The following USP13 variants were observed in gnomAD, a reference collection of about 807,000 sequenced individuals.
USP13 encodes the protein ubiquitin carboxyl-terminal hydrolase 13.
A neutral mutation model predicts 107.8 loss-of-function variants in USP13; 68 were observed. The ratio of observed to expected loss-of-function variants is 0.63; its 90% CI spans 0.52 to 0.77. USP13 has a LOEUF of 0.77. Ranked by LOEUF, USP13 falls within the 30% of genes least tolerant of loss-of-function variation. The pLI, the probability that USP13 is intolerant of heterozygous loss-of-function variation, is 0.00. For missense variants in USP13, 945 were observed against 1,093.3 expected, an observed-to-expected ratio of 0.86 and a Z score of 1.91; for synonymous variants, 377 against 389.5, an observed-to-expected ratio of 0.97 and a Z score of 0.38.
At chr3:179,760,832 A>G (rs983824196) in intron 16 of USP13, among the ~76,000 whole-genome samples, 1 of 152,202 alleles carries the variant, frequency 6.6e-6, no homozygotes, top group Non-Finnish European at 1.5e-5. Context: ...TTCTGGGAAT[A>G]CACTAAATCT....
At chr3:179,654,845 G>C (rs9881760) in intron 1 of USP13, among the ~76,000 whole-genome samples, 1,567 of 152,278 alleles carry the variant, frequency 0.01, 29 homozygotes, top group African/African-American at 0.036. Context: ...ATCAGAGTTA[G>C]TATCCTCTCT....
At chr3:179,670,535 G>T (rs1348349112) in intron 1 of USP13, among the ~76,000 whole-genome samples, 1 of 151,978 alleles carries the variant, frequency 6.6e-6, no homozygotes, top group Non-Finnish European at 1.5e-5. Flanking sequence ...ATTTTTCCCA[G>T]TTGTAATCAC....
chr3:179,735,341 T>C (rs1395722070), intron 10 of USP13, among the ~76,000 whole-genome samples: 2 of 152,160 alleles, frequency 1.3e-5, no homozygotes, highest in African/African-American at 4.8e-5. Context: ...AAACATGCTT[T>C]CTGTAATCTA....
Position 179,653,477 on chromosome 3 carries a change from C to T in USP13, c.168+84C>T, listed in dbSNP as rs1720150386. The T allele has an allele frequency of 1.3e-6, 2 of 1,490,108 alleles. No homozygotes were observed. Among genetic ancestry groups the T allele is most frequent in the Non-Finnish European group, 1.8e-6 (2 of 1,111,746 alleles). 92.3% of individuals were successfully genotyped at this position (1,490,108 alleles called of 1,614,324 possible). A position where few individuals can be genotyped will look rare whatever the true frequency, so the allele number is the denominator to read the frequency against. ...GGGGGAGAAGATGCGCAGTGGCGGC[C>T]GGGACCTCTTCTCTTCCTCCGGGCG... On this transcript the variant is annotated intron_variant, in intron 1 of 20. Transcript: ENST00000263966. The surrounding 1 kb of genome is among the most constrained non-coding windows in gnomAD (Gnocchi z 4.0).
At chr3:179,716,571 G>A (rs1047279093) in intron 6 of USP13, among the ~76,000 whole-genome samples, 4 of 152,120 alleles carry the variant, frequency 2.6e-5, no homozygotes, top group Admixed American at 6.5e-5. Flanking sequence ...GATGACCCGC[G>A]CCAGGCATGC....
chr3:179,672,558 T>C (rs1720781185), intron 1 of USP13, among the ~76,000 whole-genome samples: 1 of 151,258 alleles, frequency 6.6e-6, no homozygotes, highest in Non-Finnish European at 1.5e-5. Flanking sequence ...CTAATTTTTT[T>C]GTTAGCTGGG....
chr3:179,718,551 T>C (rs1053750719), intron 6 of USP13, among the ~76,000 whole-genome samples: 4 of 152,296 alleles, frequency 2.6e-5, no homozygotes, highest in African/African-American at 4.8e-5. Context: ...CTGTGGCCTT[T>C]ATGAGCTTCT....
chr3:179,721,483 A>C lies in USP13; in HGVS notation c.982A>C (p.Lys328Gln), dbSNP rs1163231054. The change falls in exon 8 of 21, where the codon AAG becomes CAG. Residue 328 changes from lysine to glutamine, a missense_variant. Physicochemically the swap from Lys to Gln is moderately conservative, Grantham distance 53. Transcript: ENST00000263966. The surrounding 1 kb of genome is among the most constrained non-coding windows in gnomAD (Gnocchi z 4.3). ...EVIQESGTKLKPMYGPGYTGL... is the reference protein window; with the variant it reads ...EVIQESGTKLQPMYGPGYTGL... The stretch of plus-strand genomic sequence containing the variant: ...GATCCAGGAGTCGGGCACGAAACTG[A>C]AGCCAATGTATGGTCCTGGCTACAC... The C allele has an allele frequency of 1.9e-6, 3 of 1,614,068 alleles. No homozygotes were observed. In the African/African-American group the frequency reaches 4.0e-5, roughly 22 times the overall value.
intron 1 of USP13, among the ~76,000 whole-genome samples, chr3:179,676,579 G>A (rs1401491603): frequency 1.3e-5 from 2 of 152,172 alleles, no homozygotes; most frequent in Non-Finnish European, 2.9e-5. Context: ...ATTGAAAGAA[G>A]CTGTTGGGAG....
At chr3:179,732,183 C>T (rs1474108207) in intron 10 of USP13, among the ~76,000 whole-genome samples, 1 of 152,114 alleles carries the variant, frequency 6.6e-6, no homozygotes, top group African/African-American at 2.4e-5. Context: ...ATAGCAAGGT[C>T]CTTATCCACC....
At chr3:179,728,682 C>A (rs1481592827) in intron 8 of USP13, among the ~76,000 whole-genome samples, 1 of 152,164 alleles carries the variant, frequency 6.6e-6, no homozygotes. Flanking sequence ...TGCACTCCAG[C>A]CTGGGCACCA....
chr3:179,783,409 T>A (rs919534682), intron 20 of USP13, among the ~76,000 whole-genome samples: 9 of 152,232 alleles, frequency 5.9e-5, no homozygotes, highest in African/African-American at 2.2e-4. Flanking sequence ...TGCATACAAT[T>A]TTTTAACCAG....
In USP13 at chr3:179,722,083, G is replaced by A. The variant is rs997958283; in HGVS notation, c.1088+494G>A. 1.3e-4 allele frequency among the ~76,000 whole-genome samples: 18 copies of A among 138,590 alleles called. No homozygotes were observed. The South Asian group carries it at 2.6e-3, about 20-fold the overall frequency. The allele number at this position is 138,590 out of a possible 152,430, so 90.9% of individuals were successfully genotyped here. A position where few individuals can be genotyped will look rare whatever the true frequency, so the allele number is the denominator to read the frequency against. ...TCTGTCTCAAAAAAAAAAAAAAAAAGAGCTTCGTAAACTCAAAAACACCAT... is the reference window on the plus strand; with the variant it reads ...TCTGTCTCAAAAAAAAAAAAAAAAAAAGCTTCGTAAACTCAAAAACACCAT... On this transcript the variant is annotated intron_variant, in intron 8 of 20. Coordinates refer to ENST00000263966, the MANE Select transcript of USP13 (RefSeq NM_003940.3).
At chr3:179,672,367 C>G (rs532963633) in intron 1 of USP13, among the ~76,000 whole-genome samples, 16 of 151,690 alleles carry the variant, frequency 1.1e-4, no homozygotes, top group African/African-American at 3.6e-4. Context: ...TCTAATGCTG[C>G]TCCTTTCTTT....
At chr3:179,781,328 G>A (rs1264087427) in intron 19 of USP13, among the ~76,000 whole-genome samples, 1 of 151,992 alleles carries the variant, frequency 6.6e-6, no homozygotes, top group African/African-American at 2.4e-5. Context: ...ACAACCCTGC[G>A]AAGTGGGTGG....
intron 10 of USP13, among the ~76,000 whole-genome samples, chr3:179,739,982 A>G (rs1042327578): frequency 6.6e-6 from 1 of 152,154 alleles, no homozygotes; most frequent in Non-Finnish European, 1.5e-5. Context: ...GAAAGTGAGT[A>G]CTTTCTAAAG....
intron 8 of USP13, among the ~76,000 whole-genome samples, chr3:179,727,101 C>T (rs975774046): frequency 2.0e-5 from 3 of 151,070 alleles, no homozygotes; most frequent in Admixed American, 6.6e-5. Context: ...CTCCAGAAAA[C>T]GGTAGCTGTC....
chr3:179,691,126 C>T (rs1389314849), intron 3 of USP13, among the ~76,000 whole-genome samples: 1 of 151,176 alleles, frequency 6.6e-6, no homozygotes, highest in African/African-American at 2.4e-5. Flanking sequence ...CTATGATTGC[C>T]ACTGCACTCC....
At chr3:179,732,539 G>A (rs1271005960) in intron 10 of USP13, among the ~76,000 whole-genome samples, 1 of 152,076 alleles carries the variant, frequency 6.6e-6, no homozygotes. Flanking sequence ...CACCATTCAA[G>A]TGGCAGAATT....
Sources: allele counts gnomAD v4.1 joint callset (sites outside exome capture counted in the v4.1 genomes callset), GRCh38; gene constraint gnomAD v4.1.1; non-coding constraint Gnocchi (gnomAD v3.1); transcripts MANE v1.5; gene names NCBI Gene and HGNC (gene_info 2026-07-23, HGNC 2026-07-21).